The following DGLUCY variants were observed in gnomAD, a reference collection of about 807,000 sequenced individuals.
DGLUCY encodes D-glutamate cyclase, also known as D-glutamate cyclase, mitochondrial.
Under a neutral mutation model 58.5 loss-of-function variants are expected in DGLUCY, and 58 were observed. The observed-to-expected ratio is 0.99, with a 90% CI of 0.80 to 1.23. DGLUCY has a LOEUF of 1.23. Ranked by LOEUF, DGLUCY falls within the 50% of genes most tolerant of loss-of-function variation. The pLI is 0.00. For synonymous variants in DGLUCY, 325 were observed against 314.1 expected (o/e 1.03, Z -0.37); for missense variants, 779 against 784.7 (o/e 0.99, Z 0.09).
chr14:91,201,166 G>A (rs2050529980), intron 11 of DGLUCY, among the ~76,000 whole-genome samples: 1 of 152,156 alleles, frequency 6.6e-6, no homozygotes, highest in East Asian at 1.9e-4. Context: ...CACGATGGTG[G>A]AGTGTCATCA....
chr14:91,168,553 C>A (rs1443855094), intron 4 of DGLUCY, among the ~76,000 whole-genome samples: 2 of 152,178 alleles, frequency 1.3e-5, no homozygotes, highest in Admixed American at 6.6e-5. Context: ...ACTCCTGGAG[C>A]CCATCCCCCA....
intron 1 of DGLUCY, among the ~76,000 whole-genome samples, chr14:91,077,661 C>T (rs1049863507): frequency 8.0e-5 from 12 of 150,354 alleles, no homozygotes; most frequent in Non-Finnish European, 1.6e-4. Flanking sequence ...CTGAGGCAGG[C>T]GAATCGCTTG....
At chr14:91,100,073 A>G (rs5810529) in intron 1 of DGLUCY, among the ~76,000 whole-genome samples, 50,495 of 120,734 alleles carry the variant, frequency 0.42, 11,349 homozygotes, top group East Asian at 0.85. Flanking sequence ...AAAAAAAAAA[A>G]AAGAAGAAGA....
At chr14:91,219,494 C>T (rs929559649) in intron 13 of DGLUCY, among the ~76,000 whole-genome samples, 2 of 152,246 alleles carry the variant, frequency 1.3e-5, no homozygotes, top group Non-Finnish European at 2.9e-5. Flanking sequence ...CTGGGCAGAG[C>T]TGTGGCCTGA....
intron 5 of DGLUCY, among the ~76,000 whole-genome samples, chr14:91,170,955 A>G (rs368897861): frequency 4.8e-4 from 73 of 152,328 alleles, no homozygotes; most frequent in Middle Eastern, 6.8e-3. Flanking sequence ...GAGAGGCCCC[A>G]GCTGCCTCTG....
intron 1 of DGLUCY, among the ~76,000 whole-genome samples, chr14:91,149,496 GA>G (rs2140293914): frequency 6.6e-6 from 1 of 152,284 alleles, no homozygotes; most frequent in African/African-American, 2.4e-5. Flanking sequence ...TGCAGTGCCA[GA>G]AGTAGCTAAA....
chr14:91,092,334 G>A (rs1352561472), intron 1 of DGLUCY, among the ~76,000 whole-genome samples: 1 of 152,144 alleles, frequency 6.6e-6, no homozygotes, highest in African/African-American at 2.4e-5. Flanking sequence ...ACTTGTAGTA[G>A]GTGTTCAATA....
At chr14:91,086,639 GAAC>G (rs2044225939) in intron 1 of DGLUCY, among the ~76,000 whole-genome samples, 1 of 152,116 alleles carries the variant, frequency 6.6e-6, no homozygotes, top group African/African-American at 2.4e-5. Context: ...CACAGAGGTG[GAAC>G]CCACAGATAT....
At chr14:91,073,325 C>T (rs552410968) in intron 1 of DGLUCY, among the ~76,000 whole-genome samples, 77 of 152,212 alleles carry the variant, frequency 5.1e-4, no homozygotes, top group African/African-American at 1.8e-3. Context: ...CCTGTAGTCC[C>T]AGCTACTCAG....
chr14:91,135,597 C>T (rs1002287360), intron 1 of DGLUCY, among the ~76,000 whole-genome samples: 1 of 146,806 alleles, frequency 6.8e-6, no homozygotes, highest in Non-Finnish European at 1.5e-5. Context: ...TTGCAGCGAG[C>T]CGAGATCGAG....
Position 91,224,849 on chromosome 14 carries a change from G to C in DGLUCY, c.*16G>C. 1.3e-6 allele frequency: 2 copies of C among 1,586,610 alleles called. No individual in the cohort carries two copies. Among genetic ancestry groups the C allele is most frequent in the South Asian group, 2.2e-5 (2 of 88,984 alleles). On this transcript the variant is annotated 3_prime_UTR_variant, in exon 14 of 14. Transcript: ENST00000256324. The stretch of plus-strand genomic sequence containing the variant: ...ACAGGTGTAACCGTCCATGTTCCGT[G>C]TGAGCAGAGTCCCTACCAACGGGCA...
At chr14:91,091,339 G>A (rs1003579828) in intron 1 of DGLUCY, among the ~76,000 whole-genome samples, 1 of 151,950 alleles carries the variant, frequency 6.6e-6, no homozygotes, top group Admixed American at 6.6e-5. Context: ...TGGGCAACAT[G>A]GTAAAACCCC....
upstream of DGLUCY, among the ~76,000 whole-genome samples, chr14:91,113,337 C>T (rs184649802): frequency 2.0e-3 from 302 of 152,186 alleles, no homozygotes; most frequent in African/African-American, 6.6e-3. Context: ...CAAGAATTTT[C>T]GACTGCACGA....
chr14:91,127,053 C>CTTTTTTTT (rs11407228), intron 1 of DGLUCY, among the ~76,000 whole-genome samples: 4 of 98,372 alleles, frequency 4.1e-5, no homozygotes, highest in Admixed American at 1.3e-4. Flanking sequence ...TGATGATACT[C>CTTTTTTTT]TTTTTTTTTT....
intron 5 of DGLUCY, among the ~76,000 whole-genome samples, chr14:91,171,221 A>G: frequency 6.6e-6 from 1 of 152,194 alleles, no homozygotes; most frequent in South Asian, 2.1e-4. Flanking sequence ...CCCAAGTCCC[A>G]AAGCCAGATG....
At chr14:91,079,957 C>A (rs1434279402) in intron 1 of DGLUCY, among the ~76,000 whole-genome samples, 5 of 152,166 alleles carry the variant, frequency 3.3e-5, no homozygotes, top group Non-Finnish European at 5.9e-5. Context: ...AACAATAATA[C>A]CCCCATTTTT....
At chr14:91,111,455 G>C (rs1395248591), upstream of DGLUCY, among the ~76,000 whole-genome samples, 2 of 151,874 alleles carry the variant, frequency 1.3e-5, no homozygotes, top group Non-Finnish European at 2.9e-5. Flanking sequence ...GCTAATTTTT[G>C]TATTTTTAGT....
rs891069366 is a variant in DGLUCY, at chr14:91,207,342, G to GA, written c.1564+2526dup. Among the ~76,000 whole-genome samples the GA allele has an allele frequency of 5.3e-5, 8 of 149,826 alleles. No homozygotes were observed. The South Asian group carries it at 8.5e-4, about 16-fold the overall frequency. ...AAAGCAAAGAGAAAAAGTGCTGGGG[G>GA]AAAAAAAAACCCACAACAGATCAGA... is the stretch of plus-strand genomic sequence containing the variant. On this transcript the variant is annotated intron_variant, in intron 12 of 13. Transcript: ENST00000256324.
At position 91,199,885 on chromosome 14, in the gene DGLUCY, T is replaced by C. The variant is rs750158262; in HGVS notation, c.1424T>C (p.Ile475Thr). The stretch of plus-strand genomic sequence containing the variant: ...GATCTTTTTCTTGCTGCGAAGAAGA[T>C]TCCTGGAATCTCATCAACTGGTAAG... ...IDDLFLAAKK[I>T]PGISSTGVGD... Residue 475 changes from isoleucine (I) to threonine (T), a missense_variant, in exon 11 of 14, where the codon ATT becomes ACT. Ile to Thr is a moderately conservative substitution (Grantham distance 89, BLOSUM62 -1). Coordinates refer to ENST00000256324, the MANE Select transcript of DGLUCY (RefSeq NM_001102368.3). 1.9e-6 allele frequency: 3 copies of C among 1,614,066 alleles called. No homozygotes were observed. The highest frequency in any genetic ancestry group is 3.3e-5 in the Admixed American group (2 of 60,002).
Sources: gnomAD v4.1 joint callset for allele counts (sites outside exome capture counted in the v4.1 genomes callset) on GRCh38, gnomAD v4.1.1 for gene constraint, MANE v1.5 for transcripts, NCBI Gene and HGNC (gene_info 2026-07-23, HGNC 2026-07-21) for gene names.